DOCK10: variants seen among roughly 807,000 people sequenced by gnomAD.
The protein encoded by DOCK10 is dedicator of cytokinesis protein 10.
DOCK10 carries 145 observed loss-of-function variants against 280.1 expected under a neutral mutation model. The ratio of observed to expected loss-of-function variants is 0.52; its 90% CI spans 0.45 to 0.59. DOCK10 has a LOEUF of 0.59. DOCK10 is among the 20% of genes least tolerant of loss of function. DOCK10 has a pLI of 0.00. For missense variants in DOCK10, 2,368 were observed against 2,651.7 expected, an observed-to-expected ratio of 0.89 and a Z score of 2.35; for synonymous variants, 915 against 942.2, an observed-to-expected ratio of 0.97 and a Z score of 0.53.
At chr2:224,839,245 AT>A in intron 24 of DOCK10, among the ~76,000 whole-genome samples, 2 of 142,820 alleles carry the variant, frequency 1.4e-5, no homozygotes, top group East Asian at 3.9e-4. Context: ...CGCCCGGCTA[AT>A]TTTTTGTAAT....
chr2:224,992,213 T>C (rs1352584866), intron 1 of DOCK10, among the ~76,000 whole-genome samples: 1 of 152,266 alleles, frequency 6.6e-6, no homozygotes, highest in Non-Finnish European at 1.5e-5. Context: ...GTACTTGTTC[T>C]ATTTTATTTT....
At chr2:224,989,133 A>C (rs1297731598) in intron 1 of DOCK10, among the ~76,000 whole-genome samples, 2 of 152,224 alleles carry the variant, frequency 1.3e-5, no homozygotes, top group African/African-American at 2.4e-5. Flanking sequence ...TGACAGCTCA[A>C]ACATGTCGCT....
chr2:224,929,623 A>G (rs987562068), intron 2 of DOCK10, among the ~76,000 whole-genome samples: 1 of 152,224 alleles, frequency 6.6e-6, no homozygotes. Flanking sequence ...GGAATAAAAT[A>G]GTTCAGTGTA....
Position 224,885,802 on chromosome 2 carries a change from A to C in DOCK10, c.616T>G (p.Phe206Val). The C allele has an allele frequency of 6.2e-7, 1 of 1,612,154 alleles. No homozygotes were observed. Among genetic ancestry groups the C allele is most frequent in the Non-Finnish European group, 8.5e-7 (1 of 1,179,496 alleles). The stretch of plus-strand genomic sequence containing the variant: ...GTCAGCTGGAAGTAGCGCTTTTTGA[A>C]TGACTAAATAAAGGAAAAGATATAA... The part of the protein sequence containing the change: ...TVNNTVTVRS[F>V]KKRYFQLTQL... The change falls in exon 7 of 56, where the codon TTC becomes GTC. Residue 206 changes from phenylalanine (F) to valine (V), a missense_variant. Coordinates refer to ENST00000258390, the MANE Select transcript of DOCK10 (RefSeq NM_014689.3).
At position 224,787,126 on chromosome 2, in the gene DOCK10, C is replaced by A; in HGVS notation, c.5551G>T (p.Asp1851Tyr). ...GACCGATGAATGTCGTAGTAGAGAT[C>A]TGACAATTTCTGAAACCATAAGTGA... ...EKQRDFKKLS[D>Y]LYYDIHRSYL... Residue 1851 changes from aspartate (D) to tyrosine (Y), a missense_variant, in exon 50 of 56, where the codon GAT becomes TAT. Asp to Tyr is a radical substitution (Grantham distance 160). Coordinates refer to ENST00000258390, the MANE Select transcript of DOCK10 (RefSeq NM_014689.3). The A allele has an allele frequency of 6.2e-7, 1 of 1,613,560 alleles. No homozygotes were observed. The highest frequency in any genetic ancestry group is 8.5e-7 in the Non-Finnish European group (1 of 1,179,442).
chr2:225,040,964 C>T (rs530658649), intron 1 of DOCK10, among the ~76,000 whole-genome samples: 1 of 152,250 alleles, frequency 6.6e-6, no homozygotes, highest in East Asian at 1.9e-4. Flanking sequence ...TGAACCACCT[C>T]TGGGTAACTG....
intron 11 of DOCK10, among the ~76,000 whole-genome samples, chr2:224,868,503 T>C (rs968224355): frequency 6.6e-6 from 1 of 152,194 alleles, no homozygotes; most frequent in Non-Finnish European, 1.5e-5. Context: ...AAACAGATTA[T>C]AGTGAAACAC....
chr2:224,961,291 T>G, intron 1 of DOCK10, among the ~76,000 whole-genome samples: 1 of 152,148 alleles, frequency 6.6e-6, no homozygotes, highest in East Asian at 1.9e-4. Flanking sequence ...AAACTGACCT[T>G]CTCACTGCAG....
chr2:224,918,975 G>A (rs1252015067), intron 2 of DOCK10, among the ~76,000 whole-genome samples: 1 of 149,286 alleles, frequency 6.7e-6, no homozygotes, highest in East Asian at 2.0e-4. Context: ...TATGTGTGGT[G>A]TGTGTGTTTG....
intron 47 of DOCK10, among the ~76,000 whole-genome samples, chr2:224,791,468 CTTT>C: frequency 7.1e-6 from 1 of 141,312 alleles, no homozygotes; most frequent in Non-Finnish European, 1.5e-5. Flanking sequence ...GTTCAAAAGT[CTTT>C]TTTTTTTTTT....
chr2:224,802,061 G>C (rs771316529), intron 39 of DOCK10, 21 bp from the exon 40 acceptor site: 16 of 1,609,264 alleles, frequency 9.9e-6, no homozygotes, highest in Non-Finnish European at 1.7e-6. Flanking sequence ...AAAAAGAAAA[G>C]TGGTTAGAGT....
At position 224,852,919 on chromosome 2, in the gene DOCK10, G is replaced by A; in HGVS notation, c.2076+16C>T. The A allele has an allele frequency of 6.4e-7, 1 of 1,556,426 alleles. No homozygotes were observed. The highest frequency in any genetic ancestry group is 8.7e-7 in the Non-Finnish European group (1 of 1,145,040). ...GGTGAAAAGAAAAGATGATATCTCT[G>A]GAACTTATATCATACCTTGTTGAAG... is the stretch of plus-strand genomic sequence containing the variant. On this transcript the variant is annotated intron_variant, in intron 17 of 55. Transcript: ENST00000258390.
chr2:224,852,474 T>C, intron 17 of DOCK10, 32 bp from the exon 18 acceptor site: 1 of 1,514,354 alleles, frequency 6.6e-7, no homozygotes, highest in Non-Finnish European at 9.0e-7. Context: ...ATGGAAATTG[T>C]AATTTCCTAT....
intron 1 of DOCK10, chr2:224,946,737 A>G (rs1325591107): frequency 8.1e-6 from 6 of 741,468 alleles, no homozygotes; most frequent in Non-Finnish European, 1.2e-5. Context: ...TGTTCCATAT[A>G]AGACTTCACC....
intron 26 of DOCK10, among the ~76,000 whole-genome samples, chr2:224,833,749 C>T (rs771157980): frequency 1.3e-5 from 2 of 152,100 alleles, no homozygotes; most frequent in East Asian, 1.9e-4. Context: ...CGGGTTCAAG[C>T]GATTCCCCTG....
At chr2:224,919,408 G>A (rs1253031090) in intron 2 of DOCK10, among the ~76,000 whole-genome samples, 1 of 150,990 alleles carries the variant, frequency 6.6e-6, no homozygotes, top group Non-Finnish European at 1.5e-5. Context: ...GTATATGAAT[G>A]TGTGTAGAGT....
rs1478000676 is a variant in DOCK10 at position 224,800,266 on chromosome 2, A to G, written c.4394-3T>C. ...GATGTCTATTTCATTGGAGTTGCCT[A>G]TAAAATACAAAATAAAACATGCGTA... On this transcript the variant is annotated splice_region_variant and splice_polypyrimidine_tract_variant and intron_variant, in intron 40 of 55. Coordinates refer to ENST00000258390, the MANE Select transcript of DOCK10 (RefSeq NM_014689.3). 6.3e-7 allele frequency: 1 copy of G among 1,588,800 alleles called. No homozygotes were observed. Among genetic ancestry groups the G allele is most frequent in the Non-Finnish European group, 8.6e-7 (1 of 1,159,560 alleles).
intron 1 of DOCK10, among the ~76,000 whole-genome samples, chr2:225,017,992 C>A (rs1689663670): frequency 6.6e-6 from 1 of 152,132 alleles, no homozygotes; most frequent in Non-Finnish European, 1.5e-5. Flanking sequence ...CAGTAACTCT[C>A]CTGGAAAAAC....
rs913967852 is a variant in DOCK10, at chr2:224,896,328, T to A, written c.383A>T (p.Glu128Val). 6.2e-7 allele frequency: 1 copy of A among 1,607,306 alleles called. No homozygotes were observed. Among genetic ancestry groups the A allele is most frequent in the African/African-American group, 1.3e-5 (1 of 74,684 alleles). Residue 128 changes from glutamate (E) to valine (V), a missense_variant, in exon 4 of 56, where the codon GAA (glutamate) becomes GTA (valine). Around this residue, in one of 2 missense-constraint regions of DOCK10, gnomAD observed 1,209 missense variants for 1,250.9 expected, o/e 0.97. Transcript: ENST00000258390. The part of the protein sequence containing the change: ...SQWHVVNYKY[E>V]QYSGDIRQLP... ...CTGTCGAATGTCTCCAGAATATTGT[T>A]CATATTTGTAGTTTACCACATGCCA...
Sources: allele counts gnomAD v4.1 joint callset (sites outside exome capture counted in the v4.1 genomes callset), GRCh38; gene constraint gnomAD v4.1.1; regional missense constraint gnomAD v4.1.1; transcripts MANE v1.5; gene names NCBI Gene and HGNC (gene_info 2026-07-23, HGNC 2026-07-21).